Variants in STARD3 observed in about 807,000 individuals in gnomAD.
STARD3 encodes the protein stAR-related lipid transfer protein 3.
In STARD3, 39 loss-of-function variants were observed where a neutral mutation model predicts 62.0. That is an observed-to-expected ratio of 0.63 (90% CI 0.49 to 0.82). The LOEUF is 0.82. STARD3 is among the 40% of genes least tolerant of loss of function. The pLI, the probability that STARD3 is intolerant of heterozygous loss-of-function variation, is 0.00. For missense variants in STARD3, 543 were observed against 584.5 expected, an observed-to-expected ratio of 0.93 and a Z score of 0.73; for synonymous variants, 229 against 242.4, an observed-to-expected ratio of 0.94 and a Z score of 0.51.
intron 1 of STARD3, among the ~76,000 whole-genome samples, chr17:39,637,828 G>A (rs1410479088): frequency 5.3e-5 from 8 of 152,040 alleles, no homozygotes; most frequent in Non-Finnish European, 5.9e-5. Context: ...TCAAAGTCCC[G>A]CTTCACGTTT....
At chr17:39,655,880 G>A (rs1326006285) in intron 2 of STARD3, among the ~76,000 whole-genome samples, 1 of 151,784 alleles carries the variant, frequency 6.6e-6, no homozygotes. Context: ...GGTCAGCACC[G>A]GTGGGTGCCC....
intron 1 of STARD3, chr17:39,653,185 T>C: frequency 2.6e-6 from 1 of 378,976 alleles, no homozygotes; most frequent in South Asian, 2.9e-5. Context: ...GCCCCAGGGA[T>C]CCAGGAGGGG....
In STARD3 at chr17:39,663,903, ACCCATTCCCTCT is replaced by A; in HGVS notation, c.*999_*1010del. On this transcript the variant is annotated 3_prime_UTR_variant, in exon 15 of 15. Transcript: ENST00000336308. The stretch of plus-strand genomic sequence containing the variant: ...GCCCCGGACCTCCCAGACTCCACTC[ACCCATTCCCTCT>A]CCCCGCACGGCACTCACACCAGGGG... Among the ~76,000 whole-genome samples, 1 of 151,684 alleles carries A rather than the reference ACCCATTCCCTCT, an allele frequency of 6.6e-6. No individual in the cohort carries two copies. The highest frequency in any genetic ancestry group is 6.6e-5 in the Admixed American group (1 of 15,260).
chr17:39,644,686 AAAG>A (rs1314346292), intron 1 of STARD3, among the ~76,000 whole-genome samples: 23 of 151,066 alleles, frequency 1.5e-4, no homozygotes, highest in South Asian at 4.2e-4. Flanking sequence ...AAAAAAAAAA[AAAG>A]AAGAAGAAAA....
At chr17:39,651,448 C>T (rs1008105136) in intron 1 of STARD3, among the ~76,000 whole-genome samples, 5 of 152,186 alleles carry the variant, frequency 3.3e-5, no homozygotes, top group African/African-American at 1.2e-4. Context: ...CCTCTAGACC[C>T]CAAACTACTC....
intron 6 of STARD3, 38 bp downstream of exon 6, chr17:39,658,560 C>T (rs1415007436): frequency 8.8e-6 from 14 of 1,595,752 alleles, no homozygotes; most frequent in Non-Finnish European, 1.2e-5. Flanking sequence ...GCGAGGGTTA[C>T]CCACAGCCCC....
Position 39,659,070 on chromosome 17 carries a change from T to C in STARD3, c.666T>C (p.Asp222=), listed in dbSNP as rs780068444. 9 of 1,614,142 alleles carry C rather than the reference T, an allele frequency of 5.6e-6. No homozygotes were observed. The highest frequency in any genetic ancestry group is 7.6e-6 in the Non-Finnish European group (9 of 1,180,010). ...CTGCAGGGTCTGACAATGAATCAGATGAAGAAGTTGCTGGGAAGAAAAGTT... is the reference window on the plus strand; with the variant it reads ...CTGCAGGGTCTGACAATGAATCAGACGAAGAAGTTGCTGGGAAGAAAAGTT... ...ESFAGSDNES[D]EEVAGKKSFS... is the part of the protein sequence containing the mutation. Residue 222 remains aspartate (D), a synonymous_variant, in exon 8 of 15, where the codon GAT becomes GAC. Transcript: ENST00000336308.
chr17:39,641,166 A>T (rs1352184126), intron 1 of STARD3, among the ~76,000 whole-genome samples: 1 of 152,192 alleles, frequency 6.6e-6, no homozygotes, highest in Non-Finnish European at 1.5e-5. Flanking sequence ...TCCAACCCCA[A>T]ACCCACACCC....
At chr17:39,656,166 C>G (rs1291011599) in intron 2 of STARD3, among the ~76,000 whole-genome samples, 1 of 152,160 alleles carries the variant, frequency 6.6e-6, no homozygotes, top group Non-Finnish European at 1.5e-5. Context: ...CAAGCCCCCC[C>G]AGATTTGGCT....
intron 1 of STARD3, 147 bp from the exon 2 acceptor site, chr17:39,653,334 G>A (rs2057094870): frequency 1.6e-6 from 1 of 615,482 alleles, no homozygotes; most frequent in Non-Finnish European, 2.8e-6. Flanking sequence ...CCAGGCTGGT[G>A]GAGGACATTT....
Position 39,663,440 on chromosome 17 carries a change from T to C in STARD3, c.*532T>C, listed in dbSNP as rs1178311164. 9.4e-6 allele frequency: 2 copies of C among 212,732 alleles called. No individual in the cohort carries two copies. Among genetic ancestry groups the C allele is most frequent in the African/African-American group, 4.6e-5 (2 of 43,564 alleles). The allele number at this position is 212,732 out of a possible 1,614,324, so 13.2% of individuals were successfully genotyped here. On this transcript the variant is annotated 3_prime_UTR_variant, in exon 15 of 15. Coordinates refer to ENST00000336308, the MANE Select transcript of STARD3 (RefSeq NM_006804.4). ...CCTCCCAGGGCCTCCTGGGGGACCT[T>C]TGTATTAAGCCAATTAAAAACATGA... is the stretch of plus-strand genomic sequence containing the variant.
At chr17:39,659,344 G>T (rs2057168675) in intron 8 of STARD3, 117 bp from the exon 9 acceptor site, 4 of 1,106,150 alleles carry the variant, frequency 3.6e-6, no homozygotes, top group Admixed American at 4.4e-5. Context: ...GATCCCACAT[G>T]TGGCTGGGCC....
At chr17:39,661,227 C>T (rs2145046300) in intron 13 of STARD3, 142 bp downstream of exon 13, 1 of 720,800 alleles carries the variant, frequency 1.4e-6, no homozygotes, top group South Asian at 1.8e-5. Flanking sequence ...CTCTGCTCCT[C>T]CTGGCTACTA....
At chr17:39,658,986 C>G in intron 7 of STARD3, 65 bp from the exon 8 acceptor site, 1 of 1,604,188 alleles carries the variant, frequency 6.2e-7, no homozygotes, top group Non-Finnish European at 8.5e-7. Flanking sequence ...CATACCCGAA[C>G]CCCACTACCT....
At chr17:39,643,255 A>G (rs1440904834) in intron 1 of STARD3, among the ~76,000 whole-genome samples, 1 of 152,130 alleles carries the variant, frequency 6.6e-6, no homozygotes, top group African/African-American at 2.4e-5. Flanking sequence ...GCTAAGCCCA[A>G]AGAGGGCCTC....
At position 39,657,864 on chromosome 17, in the gene STARD3, CT is replaced by C; in HGVS notation, c.375+15del. The C allele has an allele frequency of 6.2e-7, 1 of 1,614,190 alleles. No individual in the cohort carries two copies. Among genetic ancestry groups the C allele is most frequent in the South Asian group, 1.1e-5 (1 of 91,086 alleles). ...GGTGGGTGATTGCGGTAAGATGCCA[CT>C]TTCCTGGCAGCTTCTGGGCCCTGGC... On this transcript the variant is annotated intron_variant, in intron 4 of 14. Coordinates refer to ENST00000336308, the MANE Select transcript of STARD3 (RefSeq NM_006804.4).
intron 3 of STARD3, 65 bp downstream of exon 3, chr17:39,657,150 C>A: frequency 6.6e-7 from 1 of 1,505,290 alleles, no homozygotes; most frequent in Non-Finnish European, 9.2e-7. Flanking sequence ...ATGACTTCTG[C>A]TGGGTTCTCT....
In STARD3 at chr17:39,663,656, C is replaced by G. The variant is rs1234137289; in HGVS notation, c.*748C>G. 6.7e-6 allele frequency among the ~76,000 whole-genome samples: 1 copy of G among 149,582 alleles called. No homozygotes were observed. The highest frequency in any genetic ancestry group is 2.0e-4 in the East Asian group (1 of 4,976). On this transcript the variant is annotated 3_prime_UTR_variant, in exon 15 of 15. Coordinates refer to ENST00000336308, the MANE Select transcript of STARD3 (RefSeq NM_006804.4). ...TTCCCCCCCCGCCCACCCCCCACTC[C>G]CCGCTTTCCTGACCAGTTCAACTGA...
chr17:39,638,938 G>A (rs1158815788), intron 1 of STARD3, among the ~76,000 whole-genome samples: 1 of 152,128 alleles, frequency 6.6e-6, no homozygotes, highest in Non-Finnish European at 1.5e-5. Context: ...CCAGGGGTTT[G>A]CAACTAGCTT....
Sources: gnomAD v4.1 joint callset for allele counts (sites outside exome capture counted in the v4.1 genomes callset) on GRCh38, gnomAD v4.1.1 for gene constraint, MANE v1.5 for transcripts, NCBI Gene and HGNC (gene_info 2026-07-23, HGNC 2026-07-21) for gene names.